The following SLC14A2 variants were observed in gnomAD, a reference collection of about 807,000 sequenced individuals.
SLC14A2 encodes solute carrier family 14 member 2.
SLC14A2 carries 91 observed loss-of-function variants against 104.6 expected under a neutral mutation model. The observed-to-expected ratio is 0.87, with a 90% CI of 0.73 to 1.04. SLC14A2 has a LOEUF of 1.04. Among genes scored for constraint, SLC14A2 ranks in the 50% least tolerant of loss-of-function variants. The pLI, the probability that SLC14A2 is intolerant of heterozygous loss-of-function variation, is 0.00. For synonymous variants in SLC14A2, 476 were observed against 466.4 expected, an observed-to-expected ratio of 1.02 and a Z score of -0.27; for missense variants, 1,189 against 1,156.0, an observed-to-expected ratio of 1.03 and a Z score of -0.41.
At chr18:45,662,409 A>G (rs1327822280) in intron 10 of SLC14A2, among the ~76,000 whole-genome samples, 1 of 152,222 alleles carries the variant, frequency 6.6e-6, no homozygotes, top group African/African-American at 2.4e-5. Flanking sequence ...AGTTGTTTCT[A>G]CATAAGCAGT....
Position 45,667,936 on chromosome 18 carries a change from C to T in SLC14A2, c.1821C>T (p.Leu607=). 1.2e-6 allele frequency: 2 copies of T among 1,614,166 alleles called. No individual in the cohort carries two copies. The highest frequency in any genetic ancestry group is 8.5e-7 in the Non-Finnish European group (1 of 1,180,018). ...PLSGILIILG[L]FIQNPWWAIS... is the part of the protein sequence containing the mutation. ...GCGGCATCCTCATCATCCTCGGCCT[C>T]TTCATCCAGAACCCCTGGTGGGCGA... is the stretch of plus-strand genomic sequence containing the variant. Residue 607 remains leucine, a synonymous_variant, in exon 14 of 20, where the codon CTC becomes CTT. Transcript: ENST00000255226.
chr18:45,658,878 C>A (rs992143896), intron 10 of SLC14A2, among the ~76,000 whole-genome samples: 1 of 152,002 alleles, frequency 6.6e-6, no homozygotes, highest in African/African-American at 2.4e-5. Flanking sequence ...TGTTCCTGAA[C>A]AAATCATCAT....
rs761326784 is a variant in SLC14A2, at chr18:45,626,997, G to A, written c.371G>A (p.Arg124Lys). 2 of 1,612,654 alleles carry A rather than the reference G, an allele frequency of 1.2e-6. No homozygotes were observed. Among genetic ancestry groups the A allele is most frequent in the Admixed American group, 1.7e-5 (1 of 60,020 alleles). Residue 124 changes from arginine (R) to lysine (K), a missense_variant, in exon 4 of 20, where the codon AGA becomes AAA. Arg to Lys is a conservative substitution (Grantham distance 26). Coordinates refer to ENST00000255226, the MANE Select transcript of SLC14A2 (RefSeq NM_007163.4). Reference sequence around the variant, plus strand: ...CTCCAGTTCATAGACTGGGTCCTGAGAGGGACCGCTCAGGTGATGTTCATC... The same window carrying A: ...CTCCAGTTCATAGACTGGGTCCTGAAAGGGACCGCTCAGGTGATGTTCATC... ...LALQFIDWVL[R>K]GTAQVMFINN...
the SLC14A2 span, among the ~76,000 whole-genome samples, chr18:45,180,262 A>G: frequency 6.6e-6 from 1 of 152,292 alleles, no homozygotes; most frequent in East Asian, 1.9e-4. Context: ...GGAGCAAGTT[A>G]TTATCTCTGT....
chr18:45,257,836 G>A (rs542452261), intron 1 of SLC14A2, among the ~76,000 whole-genome samples: 4 of 152,216 alleles, frequency 2.6e-5, no homozygotes, highest in East Asian at 1.9e-4. Flanking sequence ...GTTTCAAAAC[G>A]TATGTGCATT....
At chr18:45,539,761 G>A (rs2043856587) in intron 2 of SLC14A2, among the ~76,000 whole-genome samples, 1 of 152,064 alleles carries the variant, frequency 6.6e-6, no homozygotes, top group South Asian at 2.1e-4. Flanking sequence ...GAATTAGACG[G>A]CCTGTGTTGA....
At chr18:45,516,808 C>A (rs2043447900) in intron 2 of SLC14A2, among the ~76,000 whole-genome samples, 1 of 152,180 alleles carries the variant, frequency 6.6e-6, no homozygotes, top group Non-Finnish European at 1.5e-5. Context: ...GCTCACTCAG[C>A]TTCAAGATTA....
chr18:45,311,973 T>G (rs2085083789), intron 1 of SLC14A2, among the ~76,000 whole-genome samples: 1 of 152,180 alleles, frequency 6.6e-6, no homozygotes, highest in African/African-American at 2.4e-5. Flanking sequence ...TATCTAAAAA[T>G]AGTCATGGAT....
chr18:45,422,332 C>CA (rs2144522474), intron 1 of SLC14A2, among the ~76,000 whole-genome samples: 1 of 152,108 alleles, frequency 6.6e-6, no homozygotes, highest in Admixed American at 6.5e-5. Context: ...ATTTCACTAG[C>CA]AAAAAATAAC....
At chr18:45,373,454 G>A (rs971217113) in intron 1 of SLC14A2, among the ~76,000 whole-genome samples, 2 of 152,058 alleles carry the variant, frequency 1.3e-5, no homozygotes, top group Non-Finnish European at 1.5e-5. Flanking sequence ...TTTCTTCATA[G>A]CAAATAGTTC....
intron 2 of SLC14A2, among the ~76,000 whole-genome samples, chr18:45,557,962 C>T (rs2044154022): frequency 6.6e-6 from 1 of 152,130 alleles, no homozygotes; most frequent in Admixed American, 6.5e-5. Flanking sequence ...ATAAGTGACA[C>T]ACCCAGGATG....
chr18:45,317,929 T>C (rs934978633), intron 1 of SLC14A2, among the ~76,000 whole-genome samples: 3 of 152,178 alleles, frequency 2.0e-5, no homozygotes, highest in Non-Finnish European at 2.9e-5. Flanking sequence ...TCATGCTTCA[T>C]GAGCCCCACC....
chr18:45,583,800 T>C (rs1273411502), intron 2 of SLC14A2, among the ~76,000 whole-genome samples: 2 of 151,986 alleles, frequency 1.3e-5, no homozygotes, highest in South Asian at 2.1e-4. Flanking sequence ...CTGTGGTTGA[T>C]TTCACACTAC....
At position 45,668,402 on chromosome 18, in the gene SLC14A2, T is replaced by C; in HGVS notation, c.1961T>C (p.Leu654Pro). 5 of 1,614,172 alleles carry C rather than the reference T, an allele frequency of 3.1e-6. No homozygotes were observed. The highest frequency in any genetic ancestry group is 4.2e-6 in the Non-Finnish European group (5 of 1,180,012). The change falls in exon 15 of 20, where the codon CTG becomes CCG. Residue 654 changes from leucine to proline, a missense_variant. By Grantham distance (98) the Leu-to-Pro change is moderately conservative (BLOSUM62 -3). Transcript: ENST00000255226. ...HGYNGVLVGL[L>P]MAVFSDKGDY... is the part of the protein sequence containing the mutation. ...TACAATGGGGTGCTGGTGGGGCTGC[T>C]GATGGCCGTGTTCTCAGACAAAGGT... is the stretch of plus-strand genomic sequence containing the variant.
intron 1 of SLC14A2, among the ~76,000 whole-genome samples, chr18:45,620,116 C>T (rs1300183636): frequency 6.6e-6 from 1 of 152,184 alleles, no homozygotes; most frequent in African/African-American, 2.4e-5. Flanking sequence ...AGTAAACATT[C>T]CCGTGGCAAA....
At chr18:45,402,838 T>C (rs1426227485) in intron 1 of SLC14A2, among the ~76,000 whole-genome samples, 1 of 152,218 alleles carries the variant, frequency 6.6e-6, no homozygotes, top group Non-Finnish European at 1.5e-5. Context: ...TTAAATGAAA[T>C]TCAGTTTCTA....
At chr18:45,511,194 T>C (rs1220093634) in intron 2 of SLC14A2, among the ~76,000 whole-genome samples, 2 of 152,230 alleles carry the variant, frequency 1.3e-5, no homozygotes, top group Non-Finnish European at 2.9e-5. Context: ...CTATTTAAAG[T>C]AGCACTTTAT....
At chr18:45,248,633 A>T (rs1364349754) in intron 1 of SLC14A2, among the ~76,000 whole-genome samples, 4 of 152,220 alleles carry the variant, frequency 2.6e-5, no homozygotes, top group African/African-American at 4.8e-5. Context: ...GCATGCAGAG[A>T]CATGGCTCTC....
intron 1 of SLC14A2, among the ~76,000 whole-genome samples, chr18:45,270,118 G>A (rs1250004579): frequency 6.6e-6 from 1 of 152,008 alleles, no homozygotes; most frequent in African/African-American, 2.4e-5. Context: ...CTCATCATTT[G>A]ATAGGACAAC....
Sources: gnomAD v4.1 joint callset for allele counts (sites outside exome capture counted in the v4.1 genomes callset) on GRCh38, gnomAD v4.1.1 for gene constraint, MANE v1.5 for transcripts, NCBI Gene and HGNC (gene_info 2026-07-23, HGNC 2026-07-21) for gene names.